CPA6: variants seen among roughly 807,000 people sequenced by gnomAD.
CPA6 encodes carboxypeptidase B.
A neutral mutation model predicts 63.3 loss-of-function variants in CPA6; 58 were observed. The ratio of observed to expected loss-of-function variants is 0.92; its 90% CI spans 0.74 to 1.14. The LOEUF (loss-of-function observed/expected upper bound fraction) is 1.14, where lower values mean the gene tolerates loss of function less well. Among genes scored for constraint, CPA6 ranks in the 50% most tolerant of loss-of-function variants. The probability of loss-of-function intolerance (pLI) is 0.00; values close to 1 mark genes in which losing one functional copy is unlikely to be tolerated. For synonymous variants in CPA6, 185 were observed against 179.0 expected, an observed-to-expected ratio of 1.03 and a Z score of -0.27; for missense variants, 565 against 526.6, an observed-to-expected ratio of 1.07 and a Z score of -0.71.
intron 1 of CPA6, among the ~76,000 whole-genome samples, chr8:67,711,513 C>G (rs936064308): frequency 6.6e-6 from 1 of 152,194 alleles, no homozygotes; most frequent in Non-Finnish European, 1.5e-5. Context: ...GGAGTGGGCA[C>G]TAGCCCTCCT....
rs76931087 is a variant in CPA6 at position 67,516,355 on chromosome 8, T to A, written c.317+1568A>T. Among the ~76,000 whole-genome samples the A allele has an allele frequency of 9.2e-3, 1,409 of 152,348 alleles. 22 individuals carry two copies. The highest frequency in any genetic ancestry group is 0.032 in the African/African-American group (1,320 of 41,570). On this transcript the variant is annotated intron_variant, in intron 3 of 10. Transcript: ENST00000297770. ...GTTTTAGAGAATGAGGTATCCTTCC[T>A]ACTGTTCAGACACTCTTCTTTCTGC...
chr8:67,500,307 G>A (rs1017600803), intron 6 of CPA6, among the ~76,000 whole-genome samples: 6 of 152,062 alleles, frequency 3.9e-5, no homozygotes, highest in Non-Finnish European at 1.5e-5. Context: ...TCTTTTTTGC[G>A]TGTGCTTATT....
intron 2 of CPA6, among the ~76,000 whole-genome samples, chr8:67,577,330 T>C (rs1402005831): frequency 6.6e-6 from 1 of 152,158 alleles, no homozygotes; most frequent in Non-Finnish European, 1.5e-5. Flanking sequence ...TACTTTTATA[T>C]GTGAGCATGT....
chr8:67,714,259 G>T (rs1817332547), intron 1 of CPA6, among the ~76,000 whole-genome samples: 1 of 152,128 alleles, frequency 6.6e-6, no homozygotes, highest in Non-Finnish European at 1.5e-5. Flanking sequence ...GGGTATGAGG[G>T]ATACTCAAAA....
intron 3 of CPA6, among the ~76,000 whole-genome samples, chr8:67,513,477 T>C (rs1253365501): frequency 6.6e-6 from 1 of 152,146 alleles, no homozygotes; most frequent in Non-Finnish European, 1.5e-5. Flanking sequence ...TGGCTACTTT[T>C]TTCGATCCCC....
intron 2 of CPA6, among the ~76,000 whole-genome samples, chr8:67,550,718 T>C (rs1345555728): frequency 6.6e-6 from 1 of 152,166 alleles, no homozygotes; most frequent in Non-Finnish European, 1.5e-5. Flanking sequence ...TTTGACTTTT[T>C]AATAGTAGCC....
At chr8:67,455,553 A>G (rs1282812922) in intron 8 of CPA6, among the ~76,000 whole-genome samples, 1 of 150,808 alleles carries the variant, frequency 6.6e-6, no homozygotes, top group Non-Finnish European at 1.5e-5. Flanking sequence ...TAGGGTGTGT[A>G]GCATAGAAAA....
chr8:67,745,595 T>C (rs936361262), intron 1 of CPA6, among the ~76,000 whole-genome samples: 1 of 152,006 alleles, frequency 6.6e-6, no homozygotes, highest in Non-Finnish European at 1.5e-5. Flanking sequence ...AAAATCACAC[T>C]CAGTTCTTAA....
chr8:67,569,848 T>C, intron 2 of CPA6: 1 of 185,348 alleles, frequency 5.4e-6, no homozygotes. Flanking sequence ...AAATTCAAAT[T>C]TCAAGGTGAA....
At chr8:67,683,079 C>T (rs1447016563) in intron 1 of CPA6, among the ~76,000 whole-genome samples, 1 of 152,242 alleles carries the variant, frequency 6.6e-6, no homozygotes, top group Non-Finnish European at 1.5e-5. Context: ...GGGCTTCCCC[C>T]CGGTCTGCTG....
chr8:67,550,252 G>C (rs1274788958), intron 2 of CPA6, among the ~76,000 whole-genome samples: 1 of 152,050 alleles, frequency 6.6e-6, no homozygotes, highest in Non-Finnish European at 1.5e-5. Flanking sequence ...ATGTCCGTGA[G>C]TACTTGATGT....
chr8:67,681,251 G>A (rs965880685), intron 1 of CPA6, among the ~76,000 whole-genome samples: 2 of 119,482 alleles, frequency 1.7e-5, no homozygotes, highest in African/African-American at 3.7e-5. Context: ...CGCCCAGGCC[G>A]GACTGCGGAC....
intron 1 of CPA6, among the ~76,000 whole-genome samples, chr8:67,675,444 T>C (rs1470437847): frequency 6.6e-6 from 1 of 152,148 alleles, no homozygotes; most frequent in African/African-American, 2.4e-5. Context: ...CCACAATTTA[T>C]GTCCTAGCTG....
At chr8:67,640,520 A>G (rs1815566841) in intron 1 of CPA6, among the ~76,000 whole-genome samples, 1 of 150,732 alleles carries the variant, frequency 6.6e-6, no homozygotes, top group Non-Finnish European at 1.5e-5. Context: ...GTCAGACAGC[A>G]GGAGCAGGCC....
At chr8:67,444,176 G>T (rs1810361112) in intron 8 of CPA6, among the ~76,000 whole-genome samples, 1 of 151,876 alleles carries the variant, frequency 6.6e-6, no homozygotes. Context: ...TTTTAGTAGA[G>T]ACAGGGTTTC....
At chr8:67,707,847 G>C (rs565544285) in intron 1 of CPA6, among the ~76,000 whole-genome samples, 35 of 151,548 alleles carry the variant, frequency 2.3e-4, no homozygotes, top group African/African-American at 8.5e-4. Context: ...CTGGGAGGAA[G>C]CAGTGGCAGT....
At chr8:67,446,500 G>A (rs1389762315) in intron 8 of CPA6, among the ~76,000 whole-genome samples, 1 of 151,698 alleles carries the variant, frequency 6.6e-6, no homozygotes, top group Non-Finnish European at 1.5e-5. Context: ...AAGAACAATC[G>A]AGATCTGAAA....
intron 2 of CPA6, among the ~76,000 whole-genome samples, chr8:67,519,489 C>G (rs1162255311): frequency 6.6e-6 from 1 of 152,186 alleles, no homozygotes; most frequent in Non-Finnish European, 1.5e-5. Flanking sequence ...CTGTTAGGAA[C>G]TCTAGAAGAC....
intron 6 of CPA6, among the ~76,000 whole-genome samples, chr8:67,494,510 T>A (rs12114551): frequency 0.03 from 4,528 of 152,238 alleles, 225 homozygotes; most frequent in African/African-American, 0.1. Flanking sequence ...CTTGAGATAC[T>A]CAATCTGGGA....
Sources: gnomAD v4.1 joint callset for allele counts (sites outside exome capture counted in the v4.1 genomes callset) on GRCh38, gnomAD v4.1.1 for gene constraint, MANE v1.5 for transcripts, NCBI Gene and HGNC (gene_info 2026-07-23, HGNC 2026-07-21) for gene names.